Variants in PLSCR1 observed in about 807,000 individuals in gnomAD.
The protein encoded by PLSCR1 is PL scramblase 1.
PLSCR1 carries 17 observed loss-of-function variants against 37.8 expected under a neutral mutation model. The observed-to-expected ratio is 0.45, with a 90% CI of 0.31 to 0.68. The LOEUF (loss-of-function observed/expected upper bound fraction) is 0.68. Among genes scored for constraint, PLSCR1 ranks in the 30% least tolerant of loss-of-function variants. The probability of loss-of-function intolerance (pLI) is 0.06; values close to 1 mark genes in which losing one functional copy is unlikely to be tolerated. For missense variants in PLSCR1, 347 were observed against 380.9 expected (o/e 0.91, Z 0.74); for synonymous variants, 116 against 125.9 (o/e 0.92, Z 0.53).
rs199647557 is a variant in PLSCR1, at chr3:146,522,599, A to G, written c.356-546T>C. Among the ~76,000 whole-genome samples the G allele has an allele frequency of 3.3e-3, 495 of 152,288 alleles. 2 individuals are homozygous for G. Among genetic ancestry groups the G allele is most frequent in the East Asian group, 6.2e-3 (32 of 5,172 alleles). On this transcript the variant is annotated intron_variant, in intron 5 of 8. Coordinates refer to ENST00000342435, the MANE Select transcript of PLSCR1 (RefSeq NM_021105.3). ...TGCCTAGGAAAGCCAGGTATTGTCC[A>G]AGGTTTCTCCCCATGTGATAGTCTG...
intron 1 of PLSCR1, among the ~76,000 whole-genome samples, chr3:146,538,532 T>C (rs2044295634): frequency 6.6e-6 from 1 of 152,130 alleles, no homozygotes; most frequent in Admixed American, 6.5e-5. Context: ...GATACCTCTC[T>C]ATAACATGCT....
chr3:146,525,595 G>T lies in PLSCR1; in HGVS notation c.355+10C>A. On this transcript the variant is annotated intron_variant, in intron 5 of 8. Transcript: ENST00000342435. ...TTTATAGAAACAGGATTAAAACAAT[G>T]AATACATACCTTCCAGAAGTTCAAT... 3 of 1,417,208 alleles carry T rather than the reference G, an allele frequency of 2.1e-6. No individual in the cohort carries two copies. Among genetic ancestry groups the T allele is most frequent in the East Asian group, 4.6e-5 (2 of 43,698 alleles). The allele number at this position is 1,417,208 out of a possible 1,614,324, so 87.8% of individuals were successfully genotyped here.
intron 4 of PLSCR1, among the ~76,000 whole-genome samples, chr3:146,526,163 A>T (rs1205778673): frequency 6.8e-6 from 1 of 146,428 alleles, no homozygotes; most frequent in East Asian, 2.0e-4. Flanking sequence ...AGCCTGGGCA[A>T]CAAGCGTGAG....
intron 1 of PLSCR1, among the ~76,000 whole-genome samples, chr3:146,541,897 ACT>A (rs1400869239): frequency 6.6e-6 from 1 of 151,996 alleles, no homozygotes; most frequent in African/African-American, 2.4e-5. Context: ...ATCAAGTTCC[ACT>A]CTCTCTTGCT....
intron 3 of PLSCR1, among the ~76,000 whole-genome samples, chr3:146,531,814 T>A (rs889214682): frequency 6.6e-6 from 1 of 152,180 alleles, no homozygotes; most frequent in Non-Finnish European, 1.5e-5. Flanking sequence ...AACTACCACA[T>A]AACTATTAGT....
intron 5 of PLSCR1, among the ~76,000 whole-genome samples, chr3:146,522,527 TC>T: frequency 6.6e-6 from 1 of 152,238 alleles, no homozygotes; most frequent in Middle Eastern, 3.4e-3. Context: ...CTCCCTAATC[TC>T]AAGTACCCAG....
At chr3:146,522,157 A>T (rs2044032248) in intron 5 of PLSCR1, 104 bp from the exon 6 acceptor site, 6 of 722,870 alleles carry the variant, frequency 8.3e-6, no homozygotes, top group Non-Finnish European at 1.5e-5. Context: ...TGATACCCCA[A>T]GTGGCATAAG....
chr3:146,525,419 A>G (rs776318572), intron 5 of PLSCR1, 186 bp downstream of exon 5: 4 of 528,230 alleles, frequency 7.6e-6, no homozygotes, highest in Admixed American at 8.3e-5. Flanking sequence ...GGTGCCCAAC[A>G]TAACAGCATT....
Position 146,533,524 on chromosome 3 carries a change from C to G in PLSCR1, c.40G>C (p.Glu14Gln), listed in dbSNP as rs1214205550. 1 of 1,607,174 alleles carries G rather than the reference C, an allele frequency of 6.2e-7. No homozygotes were observed. The change falls in exon 3 of 9, where the codon GAA becomes CAA. Residue 14 changes from glutamate (E) to glutamine (Q), a missense_variant. Physicochemically the swap from Glu to Gln is conservative, Grantham distance 29. Coordinates refer to ENST00000342435, the MANE Select transcript of PLSCR1 (RefSeq NM_021105.3). ...GGATACCCAACTGGCAAGTTTGTTT[C>G]CGGGTGAGAAGCATTCATCTGTGAG... is the stretch of plus-strand genomic sequence containing the variant. ...QNSQMNASHP[E>Q]TNLPVGYPPQ...
At chr3:146,539,260 G>A (rs776493611) in intron 1 of PLSCR1, among the ~76,000 whole-genome samples, 7 of 152,172 alleles carry the variant, frequency 4.6e-5, no homozygotes, top group Admixed American at 1.3e-4. Flanking sequence ...TCACAATAGG[G>A]TTCTTGCTCC....
At chr3:146,529,689 T>A (rs568207771) in intron 3 of PLSCR1, among the ~76,000 whole-genome samples, 4 of 152,118 alleles carry the variant, frequency 2.6e-5, no homozygotes, top group African/African-American at 7.2e-5. Context: ...ATTTTTTGTA[T>A]TTTTTAGTAG....
chr3:146,538,665 A>C (rs2044297548), intron 1 of PLSCR1, among the ~76,000 whole-genome samples: 1 of 152,208 alleles, frequency 6.6e-6, no homozygotes, highest in South Asian at 2.1e-4. Context: ...GTCTAAGGGC[A>C]AATCCTAAAT....
chr3:146,528,350 C>A (rs1435516393), intron 4 of PLSCR1: 1 of 465,426 alleles, frequency 2.1e-6, no homozygotes, highest in Non-Finnish European at 3.9e-6. Flanking sequence ...AGGCATACAA[C>A]AAAGGCAGGA....
intron 4 of PLSCR1, chr3:146,528,407 A>G: frequency 3.4e-6 from 2 of 582,998 alleles, no homozygotes; most frequent in South Asian, 2.0e-5. Context: ...CATAGATTGT[A>G]TTTAAGATAA....
At chr3:146,542,630 C>T (rs1453000121) in intron 1 of PLSCR1, among the ~76,000 whole-genome samples, 2 of 152,092 alleles carry the variant, frequency 1.3e-5, no homozygotes, top group East Asian at 3.8e-4. Context: ...TTTTTCTAAT[C>T]ACTTCTTAAA....
intron 1 of PLSCR1, 93 bp from the exon 2 acceptor site, chr3:146,536,658 C>T (rs2044269811): frequency 1.3e-6 from 1 of 755,848 alleles, no homozygotes; most frequent in African/African-American, 1.7e-5. Context: ...TACACAGTCA[C>T]ATTCATAGGA....
At chr3:146,537,412 A>G (rs1253038965) in intron 1 of PLSCR1, among the ~76,000 whole-genome samples, 2 of 152,042 alleles carry the variant, frequency 1.3e-5, no homozygotes, top group African/African-American at 2.4e-5. Flanking sequence ...ACCCACACAC[A>G]CTAACACAAA....
At chr3:146,527,068 C>T (rs1392648922) in intron 4 of PLSCR1, among the ~76,000 whole-genome samples, 3 of 151,894 alleles carry the variant, frequency 2.0e-5, no homozygotes, top group African/African-American at 4.8e-5. Flanking sequence ...ACCCGGGAGG[C>T]GGAGGTTGCA....
chr3:146,541,783 C>T (rs992753422), intron 1 of PLSCR1, among the ~76,000 whole-genome samples: 12 of 152,138 alleles, frequency 7.9e-5, no homozygotes, highest in African/African-American at 2.9e-4. Flanking sequence ...GGAGGTGGAG[C>T]CTAATAAAAT....
Sources: allele counts gnomAD v4.1 joint callset (sites outside exome capture counted in the v4.1 genomes callset), GRCh38; gene constraint gnomAD v4.1.1; transcripts MANE v1.5; gene names NCBI Gene and HGNC (gene_info 2026-07-23, HGNC 2026-07-21).